The following AVL9 variants were observed in gnomAD, a reference collection of about 807,000 sequenced individuals.
The protein encoded by AVL9 is late secretory pathway protein AVL9 homolog.
In AVL9, 49 loss-of-function variants were observed where a neutral mutation model predicts 79.2. The ratio of observed to expected loss-of-function variants is 0.62; its 90% confidence interval spans 0.49 to 0.79. The LOEUF (loss-of-function observed/expected upper bound fraction) is 0.79. AVL9 is among the 30% of genes least tolerant of loss of function. The probability of loss-of-function intolerance (pLI) is 0.00; values close to 1 mark genes in which losing one functional copy is unlikely to be tolerated. For synonymous variants in AVL9, 299 were observed against 280.6 expected (o/e 1.07, Z -0.65); for missense variants, 682 against 776.8 (o/e 0.88, Z 1.45).
chr7:32,567,691 T>C (rs768048194), intron 10 of AVL9, among the ~76,000 whole-genome samples: 2 of 151,630 alleles, frequency 1.3e-5, no homozygotes, highest in Admixed American at 6.6e-5. Flanking sequence ...TTATTTTTTA[T>C]TTATTTTATT....
intron 1 of AVL9, 53 bp from the exon 2 acceptor site, chr7:32,543,088 A>G: frequency 6.2e-7 from 1 of 1,607,638 alleles, no homozygotes; most frequent in Non-Finnish European, 8.5e-7. Context: ...CTATCAGAAT[A>G]AAATGCTTCC....
At chr7:32,544,136 A>G (rs1299757088) in intron 2 of AVL9, among the ~76,000 whole-genome samples, 1 of 152,146 alleles carries the variant, frequency 6.6e-6, no homozygotes, top group Non-Finnish European at 1.5e-5. Flanking sequence ...GATTTTCTTT[A>G]TATTTGTGTA....
chr7:32,512,953 T>TGGGAGCCATGAGGAGGCATGGA (rs1554334333), intron 1 of AVL9, among the ~76,000 whole-genome samples: 3 of 151,656 alleles, frequency 2.0e-5, no homozygotes, highest in Non-Finnish European at 4.4e-5. Context: ...AATTTGTGTA[T>TGGGAGCCATGAGGAGGCATGGA]GGGATCCATG....
chr7:32,570,954 G>A (rs1239496827), intron 11 of AVL9, among the ~76,000 whole-genome samples: 1 of 146,448 alleles, frequency 6.8e-6, no homozygotes. Flanking sequence ...ATGAGGCTCG[G>A]CGCAGTGGCT....
Position 32,580,364 on chromosome 7 carries a change from G to C in AVL9, c.1742+92G>C. The C allele has an allele frequency of 3.9e-6, 4 of 1,014,830 alleles. No individual in the cohort carries two copies. The Admixed American group carries it at 8.0e-5, about 20-fold the overall frequency. 62.9% of individuals were successfully genotyped at this position (1,014,830 alleles called of 1,614,324 possible). On this transcript the variant is annotated intron_variant, in intron 14 of 15. Transcript: ENST00000318709. ...AATTGGGAATTGTTTTTCTCTACTT[G>C]ATAGACTTATGCTTCAAATAGTAAC...
In AVL9 at chr7:32,580,712, A is replaced by AC. The variant is rs1310053578; in HGVS notation, c.1743-90_1743-89insC. 300 of 597,844 alleles carry AC rather than the reference A, an allele frequency of 5.0e-4. 1 individual carries two copies. Among genetic ancestry groups the AC allele is most frequent in the East Asian group, 3.8e-3 (116 of 30,628 alleles). The allele number at this position is 597,844 out of a possible 1,614,324, so 37.0% of individuals were successfully genotyped here. A position where few individuals can be genotyped will look rare whatever the true frequency, so the allele number is the denominator to read the frequency against. ...AATTTTGGATGGTTACAGAGTGACTATTGTGTGTGTGTCTATATGTGTCTG... is the reference window on the plus strand; with the variant it reads ...AATTTTGGATGGTTACAGAGTGACTACTTGTGTGTGTGTCTATATGTGTCTG... On this transcript the variant is annotated intron_variant, in intron 14 of 15. Transcript: ENST00000318709.
intron 11 of AVL9, among the ~76,000 whole-genome samples, chr7:32,572,161 CAAAAAAAAAAGA>C (rs1246146164): frequency 8.6e-6 from 1 of 116,032 alleles, no homozygotes; most frequent in Non-Finnish European, 1.7e-5. Flanking sequence ...AATTCTGTCT[CAAAAAAAAAAGA>C]AAAAAAAAAA....
chr7:32,522,061 C>G (rs904335502), intron 1 of AVL9, among the ~76,000 whole-genome samples: 31 of 152,196 alleles, frequency 2.0e-4, no homozygotes, highest in African/African-American at 6.3e-4. Flanking sequence ...TGTCTAGATG[C>G]CCAGGCAAAA....
intron 9 of AVL9, 91 bp downstream of exon 9, chr7:32,558,719 A>G (rs113223460): frequency 8.4e-7 from 1 of 1,187,226 alleles, no homozygotes. Context: ...TAAATTCGTT[A>G]GGGTTATCCT....
At chr7:32,503,365 TATATATATAC>T (rs1191739214) in intron 1 of AVL9, among the ~76,000 whole-genome samples, 1,046 of 103,098 alleles carry the variant, frequency 0.01, 19 homozygotes, top group African/African-American at 0.039. Flanking sequence ...TAGAGAGATA[TATATATATAC>T]ACACACACAC....
At chr7:32,552,738 T>C (rs554157957) in intron 6 of AVL9, among the ~76,000 whole-genome samples, 2 of 151,642 alleles carry the variant, frequency 1.3e-5, no homozygotes, top group African/African-American at 4.8e-5. Flanking sequence ...TTGTTTTGGG[T>C]TTTTTTTGTA....
At chr7:32,497,938 A>G (rs1583473091) in intron 1 of AVL9, among the ~76,000 whole-genome samples, 3 of 152,234 alleles carry the variant, frequency 2.0e-5, no homozygotes, top group African/African-American at 7.2e-5. Flanking sequence ...GGCGTGAGCC[A>G]CCACGCCCAG....
intron 1 of AVL9, among the ~76,000 whole-genome samples, chr7:32,496,815 C>A (rs1473746437): frequency 6.6e-6 from 1 of 152,092 alleles, no homozygotes; most frequent in African/African-American, 2.4e-5. Flanking sequence ...CGTGTTTGTG[C>A]GTAATTTTGA....
rs1562807709 is a variant in AVL9, at chr7:32,585,795, C to G, written c.*1888C>G. 6.6e-6 allele frequency: 1 copy of G among 152,168 alleles called. No homozygotes were observed. The highest frequency in any genetic ancestry group is 2.4e-5 in the African/African-American group (1 of 41,416). 9.4% of individuals were successfully genotyped at this position (152,168 alleles called of 1,614,324 possible). A position where few individuals can be genotyped will look rare whatever the true frequency, so the allele number is the denominator to read the frequency against. On this transcript the variant is annotated 3_prime_UTR_variant, in exon 16 of 16. Transcript: ENST00000318709. ...GAGAACTCCATTAATTCCACTTCTT[C>G]CAAGAAAGTTAACCTCAGGAAATGC...
At chr7:32,537,451 G>T (rs1285359152) in intron 1 of AVL9, 1 of 140,144 alleles carries the variant, frequency 7.1e-6, no homozygotes, top group African/African-American at 2.6e-5. Flanking sequence ...ATATCCATTA[G>T]AAAGGAGTTT....
chr7:32,527,829 C>A (rs984429827), intron 1 of AVL9, among the ~76,000 whole-genome samples: 1 of 152,146 alleles, frequency 6.6e-6, no homozygotes, highest in East Asian at 1.9e-4. Flanking sequence ...ACCCACCCAC[C>A]CACCTACCTC....
rs1316596091 is a variant in AVL9, at chr7:32,586,672, C to T, written c.*2765C>T. On this transcript the variant is annotated 3_prime_UTR_variant, in exon 16 of 16. Transcript: ENST00000318709. ...GTGTCTAAGAATTGAGTATTTGTAC[C>T]TAGGTGTGAGGGAACCAGGGTCAGC... is the stretch of plus-strand genomic sequence containing the variant. The T allele has an allele frequency of 1.3e-5, 2 of 152,196 alleles. No homozygotes were observed. Among genetic ancestry groups the T allele is most frequent in the Non-Finnish European group, 2.9e-5 (2 of 68,068 alleles). The allele number at this position is 152,196 out of a possible 1,614,324, so 9.4% of individuals were successfully genotyped here.
intron 1 of AVL9, among the ~76,000 whole-genome samples, chr7:32,512,032 T>C (rs1224385505): frequency 6.6e-6 from 1 of 152,210 alleles, no homozygotes; most frequent in Non-Finnish European, 1.5e-5. Context: ...CTTAGGACAT[T>C]TCTTGATGGA....
Position 32,544,718 on chromosome 7 carries a change from C to G in AVL9, c.239C>G (p.Pro80Arg). 1 of 1,613,536 alleles carries G rather than the reference C, an allele frequency of 6.2e-7. No individual in the cohort carries two copies. Among genetic ancestry groups the G allele is most frequent in the Non-Finnish European group, 8.5e-7 (1 of 1,179,724 alleles). ...GATACTGTGTTTTTTCACTTGCCAC[C>G]CAGAAATGGAAATGGAGCCACAGTA... ...QEDTVFFHLP[P>R]RNGNGATVFG... Residue 80 changes from proline (P) to arginine (R), a missense_variant, in exon 3 of 16, where the codon CCC becomes CGC. Transcript: ENST00000318709.
Sources: gnomAD v4.1 joint callset for allele counts (sites outside exome capture counted in the v4.1 genomes callset) on GRCh38, gnomAD v4.1.1 for gene constraint, MANE v1.5 for transcripts, NCBI Gene and HGNC (gene_info 2026-07-23, HGNC 2026-07-21) for gene names.